Variants in IGSF5 observed in about 807,000 individuals in gnomAD.
IGSF5 encodes immunoglobulin superfamily member 5, also known as immunoglobulin superfamily 5 like.
IGSF5 carries 41 observed loss-of-function variants against 39.4 expected under a neutral mutation model. The ratio of observed to expected loss-of-function variants is 1.04; its 90% CI spans 0.81 to 1.35. IGSF5 has a LOEUF of 1.35. IGSF5 is among the 40% of genes most tolerant of loss of function. The pLI is 0.00. For synonymous variants in IGSF5, 183 were observed against 175.3 expected, an observed-to-expected ratio of 1.04 and a Z score of -0.34; for missense variants, 487 against 494.6, an observed-to-expected ratio of 0.98 and a Z score of 0.15.
chr21:39,739,561 T>C, the IGSF5 span, among the ~76,000 whole-genome samples: 1 of 152,158 alleles, frequency 6.6e-6, no homozygotes, highest in African/African-American at 2.4e-5. Context: ...GGATTCTTAG[T>C]CAGCCTAGGA....
At chr21:39,793,718 G>A in intron 8 of IGSF5, 105 bp downstream of exon 8, 1 of 886,692 alleles carries the variant, frequency 1.1e-6, no homozygotes, top group Non-Finnish European at 1.8e-6. Context: ...ATTCATGATG[G>A]TGGCATGTTG....
chr21:39,724,547 G>A, the IGSF5 span, among the ~76,000 whole-genome samples: 1 of 152,200 alleles, frequency 6.6e-6, no homozygotes, highest in Non-Finnish European at 1.5e-5. Context: ...CAAGCTCTCT[G>A]TTTTTGCCTG....
At chr21:39,716,550 C>T in the IGSF5 span, among the ~76,000 whole-genome samples, 1 of 152,098 alleles carries the variant, frequency 6.6e-6, no homozygotes, top group Non-Finnish European at 1.5e-5. Context: ...TCTTTGTGTT[C>T]GTAAGTTCTT....
At chr21:39,713,764 A>C in the IGSF5 span, among the ~76,000 whole-genome samples, 1 of 152,172 alleles carries the variant, frequency 6.6e-6, no homozygotes, top group Non-Finnish European at 1.5e-5. Context: ...TGTAAGGTGC[A>C]ATAATTTTAT....
At chr21:39,723,601 G>T in the IGSF5 span, among the ~76,000 whole-genome samples, 1 of 152,104 alleles carries the variant, frequency 6.6e-6, no homozygotes, top group Non-Finnish European at 1.5e-5. Flanking sequence ...TCACAGAGTG[G>T]GTCAGTGGTA....
chr21:39,797,641 C>T (rs947271857), intron 8 of IGSF5, among the ~76,000 whole-genome samples: 8 of 152,124 alleles, frequency 5.3e-5, no homozygotes, highest in Admixed American at 3.9e-4. Context: ...CTCAGCCTTC[C>T]GGAGAGCTAG....
chr21:39,745,955 G>C (rs575535674), intron 1 of IGSF5, among the ~76,000 whole-genome samples: 26 of 152,294 alleles, frequency 1.7e-4, no homozygotes, highest in African/African-American at 5.8e-4. Flanking sequence ...CCAAGATGGT[G>C]GTGAGCCACT....
the IGSF5 span, among the ~76,000 whole-genome samples, chr21:39,728,619 C>T: frequency 1.3e-5 from 2 of 152,118 alleles, no homozygotes; most frequent in Admixed American, 6.6e-5. Flanking sequence ...CTCGTGCTCC[C>T]GGGGTGACCT....
chr21:39,760,920 AT>A (rs2146277094), intron 2 of IGSF5, among the ~76,000 whole-genome samples: 3 of 152,260 alleles, frequency 2.0e-5, no homozygotes, highest in African/African-American at 7.2e-5. Context: ...TTTATCCTAA[AT>A]GATGGAAATC....
At chr21:39,731,508 A>G in the IGSF5 span, among the ~76,000 whole-genome samples, 1 of 152,220 alleles carries the variant, frequency 6.6e-6, no homozygotes, top group Non-Finnish European at 1.5e-5. Context: ...GCCTAGTCTA[A>G]TCACATGGAC....
upstream of IGSF5, among the ~76,000 whole-genome samples, chr21:39,741,429 T>C (rs986270350): frequency 1.3e-5 from 2 of 152,200 alleles, no homozygotes; most frequent in Non-Finnish European, 2.9e-5. Flanking sequence ...TTTGGATAAT[T>C]TTAGCCCTAA....
chr21:39,771,203 C>A lies in IGSF5; in HGVS notation c.706C>A (p.Arg236=). The part of the protein sequence containing the change: ...KSATVNLTVI[R]CPQDTGGGIN... ...TGCAACTGTAAATCTCACTGTGATT[C>A]GGTGTCCCCAAGGTAAGTGAAGACA... Residue 236 remains arginine, a synonymous_variant, in exon 4 of 9, where the codon CGG becomes AGG. Transcript: ENST00000380588. 1 of 1,574,792 alleles carries A rather than the reference C, an allele frequency of 6.4e-7. No individual in the cohort carries two copies. The highest frequency in any genetic ancestry group is 1.2e-5 in the South Asian group (1 of 84,352).
chr21:39,767,632 T>C (rs2080093357), intron 3 of IGSF5, among the ~76,000 whole-genome samples: 2 of 152,218 alleles, frequency 1.3e-5, no homozygotes, highest in African/African-American at 4.8e-5. Context: ...AGCATGCCAT[T>C]GTGTTGGTTA....
At chr21:39,736,902 G>A in the IGSF5 span, among the ~76,000 whole-genome samples, 2,291 of 152,248 alleles carry the variant, frequency 0.015, 51 homozygotes, top group African/African-American at 0.052. Flanking sequence ...GCCGACTGAC[G>A]CATGATGACA....
At chr21:39,740,839 T>C (rs562152877), upstream of IGSF5, among the ~76,000 whole-genome samples, 43 of 152,352 alleles carry the variant, frequency 2.8e-4, no homozygotes, top group African/African-American at 1.0e-3. Context: ...GATATTTAAG[T>C]AAATGGTTGT....
At chr21:39,716,025 C>T in the IGSF5 span, among the ~76,000 whole-genome samples, 11 of 152,236 alleles carry the variant, frequency 7.2e-5, no homozygotes, top group Non-Finnish European at 1.5e-4. Context: ...TTTCAATCCA[C>T]ACTGATAATT....
At chr21:39,737,375 C>T in the IGSF5 span, among the ~76,000 whole-genome samples, 1 of 152,130 alleles carries the variant, frequency 6.6e-6, no homozygotes, top group Non-Finnish European at 1.5e-5. Context: ...CAATTCCATT[C>T]TGACATTTTC....
At chr21:39,731,770 C>T in the IGSF5 span, among the ~76,000 whole-genome samples, 1 of 152,122 alleles carries the variant, frequency 6.6e-6, no homozygotes, top group Non-Finnish European at 1.5e-5. Context: ...TTGATGTTGG[C>T]CTTATGAGAC....
At chr21:39,742,410 G>A (rs1480687188), upstream of IGSF5, among the ~76,000 whole-genome samples, 1 of 152,200 alleles carries the variant, frequency 6.6e-6, no homozygotes, top group Non-Finnish European at 1.5e-5. Flanking sequence ...GACTGAGAAG[G>A]CCGCACCGGC....
Sources: gnomAD v4.1 joint callset for allele counts (sites outside exome capture counted in the v4.1 genomes callset) on GRCh38, gnomAD v4.1.1 for gene constraint, MANE v1.5 for transcripts, NCBI Gene and HGNC (gene_info 2026-07-23, HGNC 2026-07-21) for gene names.